Variants in TULP1 observed in about 807,000 individuals in gnomAD.
TULP1 encodes the protein TUB like protein 1.
A neutral mutation model predicts 67.1 loss-of-function variants in TULP1; 50 were observed. The observed-to-expected ratio is 0.75, with a 90% CI of 0.59 to 0.94. TULP1 has a LOEUF of 0.94. Among genes scored for constraint, TULP1 ranks in the 40% least tolerant of loss-of-function variants. The pLI, the probability that TULP1 is intolerant of heterozygous loss-of-function variation, is 0.00. For missense variants in TULP1, 746 were observed against 734.1 expected (o/e 1.02, Z -0.19); for synonymous variants, 297 against 294.0 (o/e 1.01, Z -0.11).
In TULP1 at chr6:35,499,924, A is replaced by G. The variant is rs569001290; in HGVS notation, c.1495+57T>C. On this transcript the variant is annotated intron_variant, in intron 14 of 14. Transcript: ENST00000229771. Reference sequence around the variant, plus strand: ...GAGGGGGTGAGGGGAGCTTGAATGAAGGTCAGCATCCTGGGGGTGGTGGAG... The same window carrying G: ...GAGGGGGTGAGGGGAGCTTGAATGAGGGTCAGCATCCTGGGGGTGGTGGAG... The G allele has an allele frequency of 8.8e-5, 141 of 1,601,412 alleles. 3 individuals are homozygous for G. The South Asian group carries it at 1.5e-3, about 17-fold the overall frequency.
At position 35,497,967 on chromosome 6, in the gene TULP1, A is replaced by C; in HGVS notation, c.*360T>G. ...CTCCTAGCCCGCCCCAGCTCCTCGG[A>C]GCCCTAGCGCGGTCCCGGGGAGAGG... is the stretch of plus-strand genomic sequence containing the variant. On this transcript the variant is annotated 3_prime_UTR_variant, in exon 15 of 15. Coordinates refer to ENST00000229771, the MANE Select transcript of TULP1 (RefSeq NM_003322.6). 2.7e-6 allele frequency: 1 copy of C among 363,910 alleles called. No individual in the cohort carries two copies. Among genetic ancestry groups the C allele is most frequent in the Non-Finnish European group, 5.2e-6 (1 of 193,070 alleles). 22.5% of individuals were successfully genotyped at this position (363,910 alleles called of 1,614,324 possible).
Position 35,503,872 on chromosome 6 carries a change from G to A in TULP1, c.1113-24C>T. ...ACCTGCAAGCAGGGTAGAGCTTGGG[G>A]TGGGGCTGAGGGGATCCTACATCCC... On this transcript the variant is annotated intron_variant, in intron 11 of 14. Coordinates refer to ENST00000229771, the MANE Select transcript of TULP1 (RefSeq NM_003322.6). This position sits in a 1 kb window ranked among gnomAD's most constrained non-coding sequence, Gnocchi z 4.0. The A allele has an allele frequency of 6.4e-7, 1 of 1,574,032 alleles. No individual in the cohort carries two copies. The highest frequency in any genetic ancestry group is 2.3e-5 in the East Asian group (1 of 43,710).
intron 5 of TULP1, 96 bp from the exon 6 acceptor site, chr6:35,510,024 G>T: frequency 1.6e-6 from 2 of 1,225,818 alleles, no homozygotes; most frequent in Non-Finnish European, 2.4e-6. Flanking sequence ...CCCCAGGGAG[G>T]CTGAAAGCTT....
At chr6:35,505,649 T>C in intron 11 of TULP1, 92 bp downstream of exon 11, 1 of 1,569,762 alleles carries the variant, frequency 6.4e-7, no homozygotes, top group Non-Finnish European at 8.6e-7. Context: ...CCCACTGTGG[T>C]GGGTGCTCTA....
chr6:35,510,344 C>G (rs552920198), intron 5 of TULP1, among the ~76,000 whole-genome samples: 2 of 152,310 alleles, frequency 1.3e-5, no homozygotes, highest in African/African-American at 4.8e-5. Context: ...CTAACCGAGC[C>G]TCTGAATCCT....
rs1346657649 is a variant in TULP1, at chr6:35,498,142, G to A, written c.*185C>T. 1.0e-6 allele frequency: 1 copy of A among 971,314 alleles called. No individual in the cohort carries two copies. The highest frequency in any genetic ancestry group is 1.7e-5 in the South Asian group (1 of 59,230). The allele number at this position is 971,314 out of a possible 1,614,324, so 60.2% of individuals were successfully genotyped here. ...TCATCTCCGTCCTACCCGCCGTCCG[G>A]GCTCCTCCTGCCTCGGCCTGTGCCA... On this transcript the variant is annotated 3_prime_UTR_variant, in exon 15 of 15. Transcript: ENST00000229771. The surrounding 1 kb of genome is among the most constrained non-coding windows in gnomAD (Gnocchi z 6.7).
intron 13 of TULP1, among the ~76,000 whole-genome samples, chr6:35,502,064 C>T (rs887939146): frequency 1.3e-5 from 2 of 152,200 alleles, no homozygotes; most frequent in African/African-American, 4.8e-5. Context: ...TCTGTAGGCT[C>T]ACTCCCTCAC....
intron 11 of TULP1, 198 bp downstream of exon 11, chr6:35,505,543 G>C: frequency 6.8e-7 from 1 of 1,475,880 alleles, no homozygotes; most frequent in Non-Finnish European, 9.1e-7. Flanking sequence ...TAGACTCCCG[G>C]GCCCACCCCA....
intron 14 of TULP1, 116 bp downstream of exon 14, chr6:35,499,865 A>G (rs1768791649): frequency 7.6e-7 from 1 of 1,319,334 alleles, no homozygotes; most frequent in South Asian, 1.2e-5. Flanking sequence ...GGGATGTCCC[A>G]GCTCTCGGGA....
rs1434617387 is a variant in TULP1, at chr6:35,509,326, G to A, written c.719-14C>T. 6.2e-7 allele frequency: 1 copy of A among 1,612,334 alleles called. No individual in the cohort carries two copies. The highest frequency in any genetic ancestry group is 1.7e-5 in the Admixed American group (1 of 59,990). On this transcript the variant is annotated splice_polypyrimidine_tract_variant and intron_variant, in intron 7 of 14. Transcript: ENST00000229771. ...CTTTGGGAGTGCCTGAGCGTGGAGG[G>A]GGAAACAAGGCTGTGAACTCCTCAC...
Position 35,498,081 on chromosome 6 carries a change from C to T in TULP1, c.*246G>A, listed in dbSNP as rs1768738970. 5 of 629,934 alleles carry T rather than the reference C, an allele frequency of 7.9e-6. No individual in the cohort carries two copies. The highest frequency in any genetic ancestry group is 1.1e-5 in the Non-Finnish European group (4 of 367,446). The allele number at this position is 629,934 out of a possible 1,614,324, so 39.0% of individuals were successfully genotyped here. A position where few individuals can be genotyped will look rare whatever the true frequency, so the allele number is the denominator to read the frequency against. The stretch of plus-strand genomic sequence containing the variant: ...GGGGCACAGCGGCGCAGGCGAGCTC[C>T]GAGACCAGATGTGCGGCTCCAACTC... On this transcript the variant is annotated 3_prime_UTR_variant, in exon 15 of 15. Transcript: ENST00000229771. This position sits in a 1 kb window ranked among gnomAD's most constrained non-coding sequence, Gnocchi z 6.7.
intron 13 of TULP1, among the ~76,000 whole-genome samples, chr6:35,502,203 A>G (rs1760980717): frequency 1.3e-5 from 2 of 150,614 alleles, no homozygotes; most frequent in Non-Finnish European, 3.0e-5. Flanking sequence ...TTATTTATTT[A>G]TTTATTTTGA....
rs748080323 is a variant in TULP1 at position 35,512,629 on chromosome 6, G to C, written c.99+10C>G. On this transcript the variant is annotated intron_variant, in intron 2 of 14. Transcript: ENST00000229771. ...ATCTTTCTGCTTCCTTTCCAAGTGG[G>C]GTGGCATACCTGTTTGGGGCGCCGC... The C allele has an allele frequency of 4.3e-6, 7 of 1,613,970 alleles. No homozygotes were observed. The Admixed American group carries it at 1.2e-4, about 27-fold the overall frequency.
At chr6:35,505,580 C>A (rs767059746) in intron 11 of TULP1, 161 bp downstream of exon 11, 6 of 1,528,682 alleles carry the variant, frequency 3.9e-6, no homozygotes, top group Middle Eastern at 3.4e-4. Flanking sequence ...AACAAGCTCC[C>A]CACATGATCT....
chr6:35,509,214 T>C lies in TULP1; in HGVS notation c.817A>G (p.Lys273Glu), dbSNP rs1274568757. The C allele has an allele frequency of 6.2e-7, 1 of 1,613,864 alleles. No homozygotes were observed. The highest frequency in any genetic ancestry group is 8.5e-7 in the Non-Finnish European group (1 of 1,179,910). The change falls in exon 8 of 15, where the codon AAA becomes GAA. Residue 273 changes from lysine (K) to glutamate (E), a missense_variant. Physicochemically the swap from Lys to Glu is moderately conservative, Grantham distance 56. This residue lies in a region of TULP1 where 4 missense variants were observed against 18.1 expected (regional missense o/e 0.22). Transcript: ENST00000229771. The stretch of plus-strand genomic sequence containing the variant: ...CTGCCCCTCTGGGCCCCAACCTTTT[T>C]GCCTTTTCCTTTGGCTTTGCCCTTT... ...NQKGKAKGKG[K>E]KKAKEERAPS...
intron 3 of TULP1, 142 bp from the exon 4 acceptor site, chr6:35,511,948 A>C: frequency 1.0e-6 from 1 of 969,432 alleles, no homozygotes; most frequent in Non-Finnish European, 1.5e-6. Flanking sequence ...TTCCACTTTC[A>C]ACACTTCTCC....
Position 35,505,864 on chromosome 6 carries a change from G to C in TULP1, c.1000-11C>G, listed in dbSNP as rs1040686122. On this transcript the variant is annotated splice_polypyrimidine_tract_variant and intron_variant, in intron 10 of 14. Transcript: ENST00000229771. ...AGCCAAGAGGAACACCTGGGGAAAA[G>C]GGGAGACAGGTGAGAGGATGGGAAG... 8 of 1,614,098 alleles carry C rather than the reference G, an allele frequency of 5.0e-6. No individual in the cohort carries two copies. The African/African-American group carries it at 8.0e-5, about 16-fold the overall frequency.
At chr6:35,499,854 T>G in intron 14 of TULP1, 127 bp downstream of exon 14, 1 of 1,183,558 alleles carries the variant, frequency 8.4e-7, no homozygotes, top group Non-Finnish European at 1.2e-6. Flanking sequence ...AGTGACCCTG[T>G]GGGATGTCCC....
chr6:35,506,759 A>G (rs1349368218), intron 8 of TULP1, among the ~76,000 whole-genome samples: 1 of 152,168 alleles, frequency 6.6e-6, no homozygotes, highest in African/African-American at 2.4e-5. Flanking sequence ...CCAAGTTCAC[A>G]TAACTAGTAA....
Sources: gnomAD v4.1 joint callset for allele counts (sites outside exome capture counted in the v4.1 genomes callset) on GRCh38, gnomAD v4.1.1 for gene constraint, gnomAD v4.1.1 regional missense constraint, Gnocchi (gnomAD v3.1) non-coding constraint, MANE v1.5 for transcripts, NCBI Gene and HGNC (gene_info 2026-07-23, HGNC 2026-07-21) for gene names.